Variants in SYNM observed in about 807,000 individuals in gnomAD.
SYNM encodes desmuslin.
Under a neutral mutation model 104.0 loss-of-function variants are expected in SYNM, and 95 were observed. The ratio of observed to expected loss-of-function variants is 0.91; its 90% CI spans 0.77 to 1.08. SYNM has a LOEUF of 1.08. SYNM is among the 50% of genes least tolerant of loss of function. The pLI, the probability that SYNM is intolerant of heterozygous loss-of-function variation, is 0.00. For synonymous variants in SYNM, 918 were observed against 869.0 expected (o/e 1.06, Z -0.99); for missense variants, 2,150 against 2,052.2 (o/e 1.05, Z -0.92).
At position 99,133,284 on chromosome 15, in the gene SYNM, T is replaced by C. The variant is rs963787266; in HGVS notation, c.*226T>C. 6.9e-6 allele frequency: 6 copies of C among 873,990 alleles called. No individual in the cohort carries two copies. The Admixed American group carries it at 2.0e-4, about 29-fold the overall frequency. 54.1% of individuals were successfully genotyped at this position (873,990 alleles called of 1,614,324 possible). Reference sequence around the variant, plus strand: ...CAATTTTATTTTTGAGTTGGGACTTTTACAAAACACTTTTTTCCCTGGAGT... The same window carrying C: ...CAATTTTATTTTTGAGTTGGGACTTCTACAAAACACTTTTTTCCCTGGAGT... On this transcript the variant is annotated 3_prime_UTR_variant, in exon 4 of 4. Transcript: ENST00000336292.
intron 2 of SYNM, among the ~76,000 whole-genome samples, chr15:99,124,705 G>A (rs1390170181): frequency 6.6e-6 from 1 of 152,192 alleles, no homozygotes; most frequent in Non-Finnish European, 1.5e-5. Flanking sequence ...AGGCTGCCTG[G>A]GTTTGCATTT....
At chr15:99,119,027 G>A (rs563305719) in intron 2 of SYNM, among the ~76,000 whole-genome samples, 25 of 152,360 alleles carry the variant, frequency 1.6e-4, no homozygotes, top group African/African-American at 5.5e-4. Flanking sequence ...CGGCAGTTGT[G>A]TGGGGCTCGA....
In SYNM at chr15:99,107,951, G is replaced by T. The variant is rs111274176; in HGVS notation, c.810+1942G>T. On this transcript the variant is annotated intron_variant, in intron 1 of 3. Transcript: ENST00000336292. ...GGTTTTTTTTTTTGTTTTTTGTTTT[G>T]TTTTTTTTTTGGTTTTGGTTTTGGT... 2.4e-3 allele frequency among the ~76,000 whole-genome samples: 130 copies of T among 54,502 alleles called. 1 individual carries two copies. Among genetic ancestry groups the T allele is most frequent in the African/African-American group, 0.013 (118 of 9,316 alleles). 35.8% of individuals were successfully genotyped at this position (54,502 alleles called of 152,430 possible).
At position 99,132,297 on chromosome 15, in the gene SYNM, A is replaced by T; in HGVS notation, c.3937A>T (p.Ile1313Phe). The T allele has an allele frequency of 6.2e-7, 1 of 1,610,838 alleles. No individual in the cohort carries two copies. The highest frequency in any genetic ancestry group is 8.5e-7 in the Non-Finnish European group (1 of 1,177,478). Residue 1313 changes from isoleucine (I) to phenylalanine (F), a missense_variant, in exon 4 of 4, where the codon ATT (isoleucine) becomes TTT (phenylalanine). Physicochemically the swap from Ile to Phe is conservative, Grantham distance 21. Coordinates refer to ENST00000336292, the MANE Select transcript of SYNM (RefSeq NM_145728.3). The part of the protein sequence containing the change: ...GSSTSIRHIS[I>F]GPQRHQTTQQ... ...CAGCACATCCATCAGGCACATCAGC[A>T]TTGGGCCTCAGAGGCATCAGACCAC...
At chr15:99,115,320 A>G (rs1320320333) in intron 2 of SYNM, among the ~76,000 whole-genome samples, 2 of 151,584 alleles carry the variant, frequency 1.3e-5, no homozygotes, top group Non-Finnish European at 2.9e-5. Flanking sequence ...AAGGGGACCA[A>G]CTCCCCTGGT....
At position 99,129,690 on chromosome 15, in the gene SYNM, A is replaced by G. The variant is rs1555485444; in HGVS notation, c.1330A>G (p.Thr444Ala). The change falls in exon 4 of 4, where the codon ACA becomes GCA. Residue 444 changes from threonine (T) to alanine (A), a missense_variant. Coordinates refer to ENST00000336292, the MANE Select transcript of SYNM (RefSeq NM_145728.3). ...AAGAAATACTGAGGCTCAAGTGAAA[A>G]CATTCCCTGACAGACCAAAAGCCGG... is the stretch of plus-strand genomic sequence containing the variant. ...LLRNTEAQVK[T>A]FPDRPKAGDT... The G allele has an allele frequency of 6.2e-7, 1 of 1,613,930 alleles. No individual in the cohort carries two copies. Among genetic ancestry groups the G allele is most frequent in the South Asian group, 1.1e-5 (1 of 91,080 alleles).
intron 2 of SYNM, among the ~76,000 whole-genome samples, chr15:99,114,252 T>TTC (rs1353678984): frequency 6.6e-6 from 1 of 152,026 alleles, no homozygotes; most frequent in Non-Finnish European, 1.5e-5. Context: ...AGCAAGAACC[T>TTC]TCTTCAGAAG....
At chr15:99,128,571 G>A (rs1389575753) in intron 3 of SYNM, among the ~76,000 whole-genome samples, 1 of 152,228 alleles carries the variant, frequency 6.6e-6, no homozygotes, top group Non-Finnish European at 1.5e-5. Flanking sequence ...TGGGGTGTGG[G>A]TAGACACCAG....
intron 3 of SYNM, among the ~76,000 whole-genome samples, chr15:99,128,182 C>A (rs1555485242): frequency 6.6e-6 from 1 of 152,146 alleles, no homozygotes. Flanking sequence ...TAGTTCTGTT[C>A]TGTTGAGTAA....
At chr15:99,107,863 T>C (rs2067261791) in intron 1 of SYNM, among the ~76,000 whole-genome samples, 1 of 151,934 alleles carries the variant, frequency 6.6e-6, no homozygotes, top group Non-Finnish European at 1.5e-5. Context: ...GATACTTCTC[T>C]CTTGTTGGAA....
Position 99,105,835 on chromosome 15 carries a change from G to T in SYNM, c.636G>T (p.Ala212=). The change falls in exon 1 of 4, where the codon GCG becomes GCT. Residue 212 remains alanine (A), a synonymous_variant. Coordinates refer to ENST00000336292, the MANE Select transcript of SYNM (RefSeq NM_145728.3). ...YEDEVRELEE[A]LRRGQESRLQ... is the part of the protein sequence containing the mutation. ...ACGAGGTGCGCGAGCTGGAGGAGGC[G>T]CTGCGGCGCGGCCAGGAGAGCAGAC... The T allele has an allele frequency of 1.9e-6, 3 of 1,542,336 alleles. No homozygotes were observed. Among genetic ancestry groups the T allele is most frequent in the Non-Finnish European group, 2.6e-6 (3 of 1,145,900 alleles).
In SYNM at chr15:99,131,620, C is replaced by T. The variant is rs373377438; in HGVS notation, c.3260C>T (p.Ser1087Phe). The T allele has an allele frequency of 2.4e-5, 38 of 1,610,572 alleles. No individual in the cohort carries two copies. The African/African-American group carries it at 3.2e-4, about 14-fold the overall frequency. The part of the protein sequence containing the change: ...SGESEVAGGA[S>F]HSSGQRTPQG... ...GAGAGCGAGGTTGCTGGTGGGGCCT[C>T]TCACAGCTCGGGACAGCGCACTCCC... Residue 1087 changes from serine to phenylalanine, a missense_variant, in exon 4 of 4, where the codon TCT becomes TTT. Coordinates refer to ENST00000336292, the MANE Select transcript of SYNM (RefSeq NM_145728.3). The surrounding 1 kb of genome is among the most constrained non-coding windows in gnomAD (Gnocchi z 4.3).
chr15:99,136,550 G>C (rs1347763091), downstream of SYNM: 2 of 152,202 alleles, frequency 1.3e-5, no homozygotes, highest in East Asian at 3.9e-4. Flanking sequence ...TGGAGAGAGA[G>C]ATCATCTCTC....
At chr15:99,106,107 C>A in intron 1 of SYNM, 98 bp downstream of exon 1, 2 of 1,255,658 alleles carry the variant, frequency 1.6e-6, no homozygotes, top group Non-Finnish European at 2.1e-6. Flanking sequence ...TCACCAGGGG[C>A]GCGGCGTCGC....
At chr15:99,109,996 C>G (rs187784366) in intron 1 of SYNM, among the ~76,000 whole-genome samples, 53 of 152,286 alleles carry the variant, frequency 3.5e-4, no homozygotes, top group Non-Finnish European at 5.6e-4. Flanking sequence ...TAAAAATAGA[C>G]TGAGTGGACT....
intron 1 of SYNM, 121 bp downstream of exon 1, chr15:99,106,130 C>A (rs1314570994): frequency 7.1e-6 from 8 of 1,119,988 alleles, no homozygotes; most frequent in Non-Finnish European, 8.2e-6. Context: ...ACCGGTAGGG[C>A]CCGCCCAGAG....
In SYNM at chr15:99,105,296, G is replaced by C. The variant is rs567300957; in HGVS notation, c.97G>C (p.Glu33Gln). 6.4e-7 allele frequency: 1 copy of C among 1,550,400 alleles called. No homozygotes were observed. Among genetic ancestry groups the C allele is most frequent in the Non-Finnish European group, 8.7e-7 (1 of 1,148,408 alleles). ...YDYVCRVREL[E>Q]RENLLLEEEL... ...CTACGTGTGTCGGGTGCGGGAGCTGGAGCGCGAAAACCTACTCCTGGAGGA... is the reference window on the plus strand; with the variant it reads ...CTACGTGTGTCGGGTGCGGGAGCTGCAGCGCGAAAACCTACTCCTGGAGGA... The change falls in exon 1 of 4, where the codon GAG becomes CAG. Residue 33 changes from glutamate to glutamine, a missense_variant. By Grantham distance (29) the Glu-to-Gln change is conservative. Transcript: ENST00000336292.
At position 99,132,528 on chromosome 15, in the gene SYNM, G is replaced by A; in HGVS notation, c.4168G>A (p.Gly1390Arg). The change falls in exon 4 of 4, where the codon GGG (glycine) becomes AGG (arginine). Residue 1390 changes from glycine to arginine, a missense_variant. Physicochemically the swap from Gly to Arg is moderately radical, Grantham distance 125. Coordinates refer to ENST00000336292, the MANE Select transcript of SYNM (RefSeq NM_145728.3). ...GGAGGATAGTGCAGAGGACACATCAGGGGCAGAAATGACATCGGGTGTTAG... is the reference window on the plus strand; with the variant it reads ...GGAGGATAGTGCAGAGGACACATCAAGGGCAGAAATGACATCGGGTGTTAG... ...PQEDSAEDTS[G>R]AEMTSGVSRS... is the part of the protein sequence containing the mutation. 1 of 1,613,972 alleles carries A rather than the reference G, an allele frequency of 6.2e-7. No individual in the cohort carries two copies. Among genetic ancestry groups the A allele is most frequent in the Non-Finnish European group, 8.5e-7 (1 of 1,179,842 alleles).
chr15:99,105,616 C>G lies in SYNM; in HGVS notation c.417C>G (p.Ala139=). The change falls in exon 1 of 4, where the codon GCC becomes GCG. Residue 139 remains alanine (A), a synonymous_variant. Coordinates refer to ENST00000336292, the MANE Select transcript of SYNM (RefSeq NM_145728.3). ...ALEALLGRLQ[A]ERRGLDAAHE... ...AGGCGCTGCTGGGCCGGCTGCAGGC[C>G]GAGCGCCGAGGCCTCGACGCGGCCC... 1.6e-6 allele frequency: 2 copies of G among 1,278,768 alleles called. No homozygotes were observed. The highest frequency in any genetic ancestry group is 3.2e-5 in the African/African-American group (2 of 62,786). 79.2% of individuals were successfully genotyped at this position (1,278,768 alleles called of 1,614,324 possible).
Sources: gnomAD v4.1 joint callset for allele counts (sites outside exome capture counted in the v4.1 genomes callset) on GRCh38, gnomAD v4.1.1 for gene constraint, Gnocchi (gnomAD v3.1) non-coding constraint, MANE v1.5 for transcripts, NCBI Gene and HGNC (gene_info 2026-07-23, HGNC 2026-07-21) for gene names.